CHRM3: variants seen among roughly 807,000 people sequenced by gnomAD.
CHRM3 encodes the protein muscarinic acetylcholine receptor M3.
In CHRM3, 11 loss-of-function variants were observed where a neutral mutation model predicts 41.8. The observed-to-expected ratio is 0.26, with a 90% CI of 0.17 to 0.44. CHRM3 has a LOEUF of 0.44. Ranked by LOEUF, CHRM3 falls within the 20% of genes least tolerant of loss-of-function variation. CHRM3 has a pLI of 1.00. For missense variants in CHRM3, 571 were observed against 745.4 expected, an observed-to-expected ratio of 0.77 and a Z score of 2.72; for synonymous variants, 297 against 301.4, an observed-to-expected ratio of 0.99 and a Z score of 0.15.
intron 5 of CHRM3, among the ~76,000 whole-genome samples, chr1:239,726,535 G>A (rs931966782): frequency 1.3e-5 from 2 of 151,862 alleles, no homozygotes; most frequent in African/African-American, 4.8e-5. Flanking sequence ...TACCTAAAGA[G>A]GTTATCAGGT....
At chr1:239,655,190 A>G (rs987200864) in intron 4 of CHRM3, among the ~76,000 whole-genome samples, 3 of 152,202 alleles carry the variant, frequency 2.0e-5, no homozygotes, top group African/African-American at 7.2e-5. Context: ...TCTTGGTCTT[A>G]AAAGGAATTC....
intron 5 of CHRM3, among the ~76,000 whole-genome samples, chr1:239,757,426 C>T (rs1195738698): frequency 1.3e-5 from 2 of 151,924 alleles, no homozygotes; most frequent in African/African-American, 2.4e-5. Context: ...GTCAGGAGAT[C>T]GAGACCATCC....
At chr1:239,873,875 C>G (rs1485695964) in intron 6 of CHRM3, among the ~76,000 whole-genome samples, 1 of 152,148 alleles carries the variant, frequency 6.6e-6, no homozygotes, top group Non-Finnish European at 1.5e-5. Flanking sequence ...CTGAAGTCCC[C>G]CCTCTCCTCC....
At chr1:239,861,187 C>T (rs1316251420) in intron 6 of CHRM3, among the ~76,000 whole-genome samples, 1 of 151,894 alleles carries the variant, frequency 6.6e-6, no homozygotes, top group Non-Finnish European at 1.5e-5. Context: ...AGCTATGAAG[C>T]TTATAAAGGA....
Position 239,622,210 on chromosome 1 carries a change from C to G in CHRM3, c.-312-10014C>G, listed in dbSNP as rs116501660. On this transcript the variant is annotated intron_variant, in intron 3 of 6. Coordinates refer to ENST00000676153, the MANE Select transcript of CHRM3 (RefSeq NM_001375978.1). ...TTACTATTCACTGACAATGCATCTA[C>G]TCGTCCAATAGCTCTCATTTGGGTG... 5.5e-3 allele frequency among the ~76,000 whole-genome samples: 837 copies of G among 152,230 alleles called. 9 individuals are homozygous for G. Among genetic ancestry groups the G allele is most frequent in the African/African-American group, 0.019 (796 of 41,552 alleles).
chr1:239,437,736 A>G (rs1663387475), intron 1 of CHRM3, among the ~76,000 whole-genome samples: 1 of 152,022 alleles, frequency 6.6e-6, no homozygotes, highest in Admixed American at 6.6e-5. Flanking sequence ...GAGGCAGAGG[A>G]AAGTTGGCAA....
intron 1 of CHRM3, among the ~76,000 whole-genome samples, chr1:239,457,894 C>T (rs1211166573): frequency 6.6e-6 from 1 of 152,052 alleles, no homozygotes; most frequent in Non-Finnish European, 1.5e-5. Context: ...TGGATCCAAA[C>T]CAAGTAACTT....
intron 3 of CHRM3, among the ~76,000 whole-genome samples, chr1:239,600,242 A>G (rs1284413624): frequency 5.9e-5 from 9 of 151,976 alleles, no homozygotes; most frequent in Admixed American, 2.6e-4. Context: ...TGACCATGTC[A>G]GTAGTCATGT....
rs1668531144 is a variant in CHRM3, at chr1:239,781,863, T to A, written c.-146-45389T>A. On this transcript the variant is annotated intron_variant, in intron 5 of 6. Transcript: ENST00000676153. ...TTGTCAAATCCTATTTCTGCATTTA[T>A]TGATATAATCAAGTTGTTTTTCATC... 9.4e-5 allele frequency among the ~76,000 whole-genome samples: 4 copies of A among 42,584 alleles called. No individual in the cohort carries two copies. In the South Asian group the frequency reaches 2.1e-3, roughly 23 times the overall value. The allele number at this position is 42,584 out of a possible 152,430, so 27.9% of individuals were successfully genotyped here. A position where few individuals can be genotyped will look rare whatever the true frequency, so the allele number is the denominator to read the frequency against.
At chr1:239,599,554 C>T (rs1665256759) in intron 3 of CHRM3, among the ~76,000 whole-genome samples, 1 of 150,604 alleles carries the variant, frequency 6.6e-6, no homozygotes, top group Non-Finnish European at 1.5e-5. Context: ...TGAAGGAGTG[C>T]AAGACTTGTG....
chr1:239,426,607 A>G (rs1039401735), intron 1 of CHRM3, among the ~76,000 whole-genome samples: 1 of 152,082 alleles, frequency 6.6e-6, no homozygotes, highest in African/African-American at 2.4e-5. Flanking sequence ...TATTTGTTAG[A>G]CCTATGAAAA....
intron 1 of CHRM3, among the ~76,000 whole-genome samples, chr1:239,443,611 A>G (rs1663897749): frequency 6.6e-6 from 1 of 152,176 alleles, no homozygotes; most frequent in South Asian, 2.1e-4. Flanking sequence ...AATCCAGACT[A>G]TTTTGTTGGA....
rs369375663 is a variant in CHRM3 at position 239,618,582 on chromosome 1, C to T, written c.-312-13642C>T. Among the ~76,000 whole-genome samples the T allele has an allele frequency of 2.1e-3, 316 of 151,938 alleles. 2 individuals are homozygous for T. In the South Asian group the frequency reaches 0.022, roughly 11 times the overall value. ...CAAGATGGCCGGGCGCGGTGGCTCA[C>T]GCCTGTAATCCCAGCACTTTGGGAG... On this transcript the variant is annotated intron_variant, in intron 3 of 6. Transcript: ENST00000676153.
rs186423787 is a variant in CHRM3 at position 239,656,433 on chromosome 1, C to T, written c.-249-21753C>T. Among the ~76,000 whole-genome samples the T allele has an allele frequency of 2.8e-5, 4 of 144,466 alleles. No homozygotes were observed. In the East Asian group the frequency reaches 6.0e-4, roughly 22 times the overall value. The allele number at this position is 144,466 out of a possible 152,430, so 94.8% of individuals were successfully genotyped here. A position where few individuals can be genotyped will look rare whatever the true frequency, so the allele number is the denominator to read the frequency against. On this transcript the variant is annotated intron_variant, in intron 4 of 6. Coordinates refer to ENST00000676153, the MANE Select transcript of CHRM3 (RefSeq NM_001375978.1). ...CTCAGGAGTTTGAGAGCAGCCTGGG[C>T]AACATGGCAAGACATCATCTCTGCT...
intron 1 of CHRM3, among the ~76,000 whole-genome samples, chr1:239,410,982 C>T (rs1388565576): frequency 2.6e-5 from 4 of 152,154 alleles, no homozygotes; most frequent in Non-Finnish European, 1.5e-5. Context: ...CTCTTTTCAC[C>T]ACTGAAGTAT....
chr1:239,811,785 T>C (rs1671137244), intron 5 of CHRM3, among the ~76,000 whole-genome samples: 1 of 152,132 alleles, frequency 6.6e-6, no homozygotes, highest in South Asian at 2.1e-4. Flanking sequence ...GGGAAATTTC[T>C]AGGAGGAGAA....
intron 3 of CHRM3, among the ~76,000 whole-genome samples, chr1:239,596,803 G>A (rs567809324): frequency 2.0e-5 from 3 of 152,150 alleles, no homozygotes; most frequent in African/African-American, 7.2e-5. Flanking sequence ...GGATAAGGGG[G>A]CAGAAAAGTG....
At chr1:239,438,264 G>T (rs1663430471) in intron 1 of CHRM3, among the ~76,000 whole-genome samples, 1 of 151,964 alleles carries the variant, frequency 6.6e-6, no homozygotes, top group African/African-American at 2.4e-5. Context: ...TGTAGTACTG[G>T]GATGTAAAAC....
intron 5 of CHRM3, among the ~76,000 whole-genome samples, chr1:239,695,845 T>C (rs566801287): frequency 1.2e-4 from 18 of 152,320 alleles, no homozygotes; most frequent in African/African-American, 3.8e-4. Context: ...TATTTAACTT[T>C]ACTTGTTTGG....
Sources: gnomAD v4.1 joint callset for allele counts (sites outside exome capture counted in the v4.1 genomes callset) on GRCh38, gnomAD v4.1.1 for gene constraint, MANE v1.5 for transcripts, NCBI Gene and HGNC (gene_info 2026-07-23, HGNC 2026-07-21) for gene names.